The following NAV2 variants were observed in gnomAD, a reference collection of about 807,000 sequenced individuals.
NAV2 encodes helicase, APC down-regulated 1.
Under a neutral mutation model 223.2 loss-of-function variants are expected in NAV2, and 54 were observed. That is an observed-to-expected ratio of 0.24 (90% CI 0.19 to 0.30). The LOEUF (loss-of-function observed/expected upper bound fraction) is 0.30, where lower values mean the gene tolerates loss of function less well. Among genes scored for constraint, NAV2 ranks in the 10% least tolerant of loss-of-function variants. NAV2 has a pLI of 1.00. For missense variants in NAV2, 2,806 were observed against 3,147.5 expected (o/e 0.89, Z 2.60); for synonymous variants, 1,279 against 1,239.3 (o/e 1.03, Z -0.67).
At chr11:20,115,885 C>T (rs1592237613) in intron 37 of NAV2, among the ~76,000 whole-genome samples, 1 of 152,276 alleles carries the variant, frequency 6.6e-6, no homozygotes, top group East Asian at 1.9e-4. Context: ...TGCACTCCAG[C>T]CTGGTTGATA....
At chr11:19,908,543 G>A (rs1425569385) in intron 6 of NAV2, among the ~76,000 whole-genome samples, 2 of 152,228 alleles carry the variant, frequency 1.3e-5, no homozygotes, top group Non-Finnish European at 2.9e-5. Flanking sequence ...GCTCTGTGCT[G>A]TCTAATATGG....
rs145424069 is a variant in NAV2 at position 19,468,245 on chromosome 11, A to G, written c.75+117218A>G. On this transcript the variant is annotated intron_variant, in intron 1 of 37. Coordinates refer to the NAV2 transcript ENST00000360655. ...CTGTAAAAATATTTTTTAAATGCCT[A>G]GAGTTGTATATTAGTTTCTGAGAGC... 6.6e-5 allele frequency among the ~76,000 whole-genome samples: 10 copies of G among 152,314 alleles called. No individual in the cohort carries two copies. In the East Asian group the frequency reaches 1.9e-3, roughly 29 times the overall value.
At position 19,713,573 on chromosome 11, in the gene NAV2, G is replaced by A; in HGVS notation, c.-123G>A. 1 of 1,393,808 alleles carries A rather than the reference G, an allele frequency of 7.2e-7. No homozygotes were observed. Among genetic ancestry groups the A allele is most frequent in the South Asian group, 1.8e-5 (1 of 55,368 alleles). The allele number at this position is 1,393,808 out of a possible 1,614,324, so 86.3% of individuals were successfully genotyped here. A position where few individuals can be genotyped will look rare whatever the true frequency, so the allele number is the denominator to read the frequency against. On this transcript the variant is annotated 5_prime_UTR_variant, in exon 1 of 38. Transcript: ENST00000349880. The surrounding 1 kb of genome is among the most constrained non-coding windows in gnomAD (Gnocchi z 7.2). ...CGACCTGGGGATTTTTTTTTTAGCC[G>A]CTGGTGGTGGGCGCCTCGTGGGCTA...
intron 1 of NAV2, among the ~76,000 whole-genome samples, chr11:19,753,826 G>C (rs1036773058): frequency 1.3e-5 from 2 of 152,204 alleles, no homozygotes; most frequent in African/African-American, 4.8e-5. Context: ...AGCCCTTGGC[G>C]GGTGGGGCAA....
intron 25 of NAV2, among the ~76,000 whole-genome samples, chr11:20,082,106 G>T (rs908850456): frequency 1.3e-5 from 2 of 152,100 alleles, no homozygotes; most frequent in African/African-American, 4.8e-5. Context: ...TGGCTAATTT[G>T]CTGCTTATTA....
At chr11:19,872,690 A>G (rs1798046742) in intron 4 of NAV2, among the ~76,000 whole-genome samples, 1 of 152,218 alleles carries the variant, frequency 6.6e-6, no homozygotes, top group South Asian at 2.1e-4. Flanking sequence ...ACCTGTCCTC[A>G]AAGCATTTCA....
At chr11:19,404,364 C>T (rs911975093) in intron 1 of NAV2, among the ~76,000 whole-genome samples, 5 of 152,190 alleles carry the variant, frequency 3.3e-5, no homozygotes, top group South Asian at 2.1e-4. Context: ...GCTGAATGCA[C>T]GTCAGGCTTC....
At chr11:19,596,004 A>G (rs1053540692) in intron 1 of NAV2, among the ~76,000 whole-genome samples, 1 of 152,026 alleles carries the variant, frequency 6.6e-6, no homozygotes, top group Non-Finnish European at 1.5e-5. Context: ...CGTGCAGTGC[A>G]CTCTGAAATT....
chr11:19,822,224 A>G (rs2059422019), intron 1 of NAV2, among the ~76,000 whole-genome samples: 1 of 152,226 alleles, frequency 6.6e-6, no homozygotes, highest in African/African-American at 2.4e-5. Flanking sequence ...AGATGAGGCA[A>G]CTGAGTCTCA....
At chr11:19,424,148 C>G (rs1190169274) in intron 1 of NAV2, among the ~76,000 whole-genome samples, 1 of 152,166 alleles carries the variant, frequency 6.6e-6, no homozygotes, top group Admixed American at 6.5e-5. Context: ...GAGCTCTGGC[C>G]TTATTCAATT....
intron 1 of NAV2, among the ~76,000 whole-genome samples, chr11:19,731,775 T>C (rs1335358806): frequency 6.6e-6 from 1 of 152,236 alleles, no homozygotes; most frequent in Admixed American, 6.5e-5. Context: ...TTTCCTTGCT[T>C]TAGGGACCAA....
chr11:19,713,622 C>T lies in NAV2; in HGVS notation c.-74C>T, dbSNP rs949088319. Reference sequence around the variant, plus strand: ...TAAGGCCCGGCGCCTGCTCTGCTACCCGCGCTGCCTTTAGCGGTCGCCCCC... The same window carrying T: ...TAAGGCCCGGCGCCTGCTCTGCTACTCGCGCTGCCTTTAGCGGTCGCCCCC... On this transcript the variant is annotated 5_prime_UTR_variant, in exon 1 of 38. Transcript: ENST00000349880. This position sits in a 1 kb window ranked among gnomAD's most constrained non-coding sequence, Gnocchi z 7.2. 63 of 1,474,836 alleles carry T rather than the reference C, an allele frequency of 4.3e-5. No individual in the cohort carries two copies. The South Asian group carries it at 6.1e-4, about 14-fold the overall frequency. The allele number at this position is 1,474,836 out of a possible 1,614,324, so 91.4% of individuals were successfully genotyped here.
In NAV2 at chr11:20,017,138, A is replaced by T. The variant is rs183231798; in HGVS notation, c.2769-18821A>T. 2.6e-4 allele frequency among the ~76,000 whole-genome samples: 39 copies of T among 152,368 alleles called. 1 individual carries two copies. Among genetic ancestry groups the T allele is most frequent in the Admixed American group, 1.3e-3 (20 of 15,308 alleles). On this transcript the variant is annotated intron_variant, in intron 11 of 37. Transcript: ENST00000349880. ...TGGAAAAGGAATGGGGGAGATGCAG[A>T]GGCACACTGACTACCTTTCAAAGCT...
At chr11:19,477,716 A>G (rs1189676146) in intron 1 of NAV2, among the ~76,000 whole-genome samples, 1 of 152,224 alleles carries the variant, frequency 6.6e-6, no homozygotes, top group Non-Finnish European at 1.5e-5. Context: ...ACTTCCTTTC[A>G]TGTACATAAT....
intron 6 of NAV2, among the ~76,000 whole-genome samples, chr11:19,898,483 A>C (rs184508737): frequency 2.8e-4 from 43 of 152,364 alleles, no homozygotes; most frequent in African/African-American, 9.6e-4. Context: ...AAATGAAATC[A>C]TGAAGTCATG....
intron 1 of NAV2, among the ~76,000 whole-genome samples, chr11:19,376,731 G>A (rs552313803): frequency 5.3e-5 from 8 of 152,224 alleles, no homozygotes; most frequent in Non-Finnish European, 8.8e-5. Flanking sequence ...ACTGTAACAA[G>A]TGCTCAGACA....
chr11:20,054,244 A>G lies in NAV2; in HGVS notation c.4642+4A>G. The G allele has an allele frequency of 6.2e-7, 1 of 1,607,630 alleles. No individual in the cohort carries two copies. Among genetic ancestry groups the G allele is most frequent in the Non-Finnish European group, 8.5e-7 (1 of 1,178,114 alleles). On this transcript the variant is annotated splice_donor_region_variant and intron_variant, in intron 18 of 37. Coordinates refer to ENST00000349880, the MANE Select transcript of NAV2 (RefSeq NM_145117.5). ...AGATTCAACTTTTCCCAGCTTGGTG[A>G]GTAGCCACTTGTCATTACCTATGTT...
intron 1 of NAV2, among the ~76,000 whole-genome samples, chr11:19,356,551 G>A (rs1198993535): frequency 6.6e-6 from 1 of 152,128 alleles, no homozygotes; most frequent in African/African-American, 2.4e-5. Flanking sequence ...GGTTTGGAGA[G>A]GTCAGGGAGG....
intron 1 of NAV2, among the ~76,000 whole-genome samples, chr11:19,394,293 A>G (rs139461286): frequency 2.0e-5 from 3 of 152,292 alleles, no homozygotes; most frequent in Non-Finnish European, 4.4e-5. Context: ...TTTTAGGTAT[A>G]GACAGTACTT....
Sources: gnomAD v4.1 joint callset for allele counts (sites outside exome capture counted in the v4.1 genomes callset) on GRCh38, gnomAD v4.1.1 for gene constraint, Gnocchi (gnomAD v3.1) non-coding constraint, MANE v1.5 for transcripts, NCBI Gene and HGNC (gene_info 2026-07-23, HGNC 2026-07-21) for gene names.